Variants in GABRB3 observed in about 807,000 individuals in gnomAD.
GABRB3 encodes gamma-aminobutyric acid receptor subunit beta-3.
Under a neutral mutation model 52.1 loss-of-function variants are expected in GABRB3, and 14 were observed. The ratio of observed to expected loss-of-function variants is 0.27; its 90% CI spans 0.18 to 0.42. The LOEUF is 0.42. Among genes scored for constraint, GABRB3 ranks in the 10% least tolerant of loss-of-function variants. The probability of loss-of-function intolerance (pLI) is 1.00; values close to 1 mark genes in which losing one functional copy is unlikely to be tolerated. For missense variants in GABRB3, 307 were observed against 609.1 expected (o/e 0.50, Z 5.22); for synonymous variants, 260 against 232.3 (o/e 1.12, Z -1.08).
intron 3 of GABRB3, among the ~76,000 whole-genome samples, chr15:26,740,066 T>C (rs1409615072): frequency 6.6e-6 from 1 of 152,170 alleles, no homozygotes; most frequent in Non-Finnish European, 1.5e-5. Flanking sequence ...TCTAAGCCAG[T>C]GTGGGTATCA....
At chr15:26,706,562 G>C (rs1889110997) in intron 3 of GABRB3, among the ~76,000 whole-genome samples, 1 of 151,788 alleles carries the variant, frequency 6.6e-6, no homozygotes, top group Non-Finnish European at 1.5e-5. Context: ...CAGTTAAGGA[G>C]AAAAAAGGTT....
chr15:26,629,081 A>C, intron 3 of GABRB3: 4 of 1,535,924 alleles, frequency 2.6e-6, no homozygotes, highest in Non-Finnish European at 3.5e-6. Context: ...GCTAACCGGA[A>C]GTTGTGACTG....
chr15:26,583,984 G>C (rs1890884128), intron 4 of GABRB3, among the ~76,000 whole-genome samples: 1 of 152,024 alleles, frequency 6.6e-6, no homozygotes. Flanking sequence ...CACCATGTTA[G>C]CCAGGATGGT....
intron 3 of GABRB3, among the ~76,000 whole-genome samples, chr15:26,728,313 A>T (rs865856793): frequency 1.9e-4 from 29 of 152,306 alleles, no homozygotes; most frequent in Admixed American, 7.2e-4. Context: ...CCCTCCATGT[A>T]TTCTGGTTCC....
At chr15:26,548,959 C>G (rs1671711088) in intron 8 of GABRB3, among the ~76,000 whole-genome samples, 1 of 152,116 alleles carries the variant, frequency 6.6e-6, no homozygotes, top group South Asian at 2.1e-4. Flanking sequence ...TGTACCCATC[C>G]CTGCCACAGC....
At chr15:26,763,660 A>C (rs954517887) in intron 3 of GABRB3, among the ~76,000 whole-genome samples, 1 of 149,066 alleles carries the variant, frequency 6.7e-6, no homozygotes, top group African/African-American at 2.5e-5. Context: ...TGGATGACCC[A>C]GAAAACTTGT....
At chr15:26,725,074 CT>C (rs1889735698) in intron 3 of GABRB3, among the ~76,000 whole-genome samples, 1 of 152,180 alleles carries the variant, frequency 6.6e-6, no homozygotes, top group African/African-American at 2.4e-5. Flanking sequence ...AATGCCATTT[CT>C]AATTAACTGC....
At chr15:26,714,877 ATCTGTAG>A (rs1889417619) in intron 3 of GABRB3, among the ~76,000 whole-genome samples, 1 of 152,202 alleles carries the variant, frequency 6.6e-6, no homozygotes, top group Non-Finnish European at 1.5e-5. Context: ...TGAAAGACAA[ATCTGTAG>A]TCTGTGGAGA....
At chr15:26,772,645 C>G (rs748265882) in intron 2 of GABRB3, 36 bp downstream of exon 2, 2 of 1,516,584 alleles carry the variant, frequency 1.3e-6, no homozygotes, top group Non-Finnish European at 1.8e-6. Flanking sequence ...CGCCGTGGGT[C>G]GCGCTTCCCG....
chr15:26,641,086 T>C (rs923879249), intron 3 of GABRB3, among the ~76,000 whole-genome samples: 1 of 152,188 alleles, frequency 6.6e-6, no homozygotes, highest in Non-Finnish European at 1.5e-5. Context: ...CACCCTCTTC[T>C]AACCTTGTCC....
intron 3 of GABRB3, among the ~76,000 whole-genome samples, chr15:26,762,667 C>T (rs1645997785): frequency 6.6e-6 from 1 of 152,168 alleles, no homozygotes; most frequent in African/African-American, 2.4e-5. Context: ...CCATAATTTC[C>T]AATATTATTT....
At chr15:26,766,821 T>A (rs1352455576) in intron 3 of GABRB3, among the ~76,000 whole-genome samples, 1 of 152,024 alleles carries the variant, frequency 6.6e-6, no homozygotes, top group Non-Finnish European at 1.5e-5. Flanking sequence ...TACCATAAGA[T>A]CCTAGAGCCC....
intron 3 of GABRB3, among the ~76,000 whole-genome samples, chr15:26,714,668 A>C (rs947681146): frequency 2.0e-5 from 3 of 152,180 alleles, no homozygotes; most frequent in Admixed American, 2.0e-4. Flanking sequence ...GGCGACTTTG[A>C]ATAGAATGGG....
chr15:26,770,300 A>G (rs1398273990), intron 3 of GABRB3, among the ~76,000 whole-genome samples: 1 of 152,236 alleles, frequency 6.6e-6, no homozygotes, highest in Non-Finnish European at 1.5e-5. Flanking sequence ...CAGAGCCAGA[A>G]AAATTACTGT....
intron 3 of GABRB3, among the ~76,000 whole-genome samples, chr15:26,765,680 G>C (rs912064163): frequency 6.6e-6 from 1 of 152,046 alleles, no homozygotes. Context: ...CCTGCCTCAC[G>C]GAGTGTATGC....
Position 26,560,626 on chromosome 15 carries a change from C to T in GABRB3, c.1080+306G>A, listed in dbSNP as rs547053788. Among the ~76,000 whole-genome samples, 227 of 152,230 alleles carry T rather than the reference C, an allele frequency of 1.5e-3. 3 individuals carry two copies. Among genetic ancestry groups the T allele is most frequent in the South Asian group, 1.9e-3 (9 of 4,820 alleles). On this transcript the variant is annotated intron_variant, in intron 8 of 8. Transcript: ENST00000311550. ...GCAACCGGGCCAGGGTCAATGTGCA[C>T]GGAAATGTCAAAAGTCAATTTTGTT...
rs1369230542 is a variant in GABRB3, at chr15:26,580,379, G to A, written c.622C>T (p.Leu208Phe). 2 of 1,614,182 alleles carry A rather than the reference G, an allele frequency of 1.2e-6. No individual in the cohort carries two copies. Among genetic ancestry groups the A allele is most frequent in the Non-Finnish European group, 1.7e-6 (2 of 1,180,034 alleles). The change falls in exon 6 of 9, where the codon CTC becomes TTC. Residue 208 changes from leucine to phenylalanine, a missense_variant. This residue lies in a region of GABRB3 where 23 missense variants were observed against 34.2 expected (regional missense o/e 0.67). Coordinates refer to ENST00000311550, the MANE Select transcript of GABRB3 (RefSeq NM_000814.6). ...KAVTGVERIELPQFSIVEHRL... is the reference protein window; with the variant it reads ...KAVTGVERIEFPQFSIVEHRL... ...TGCTCCACGATGGAGAACTGCGGGA[G>A]CTCAATCCTTTCCACTCCGGTAACA...
chr15:26,737,327 T>C (rs1890091632), intron 3 of GABRB3, among the ~76,000 whole-genome samples: 1 of 152,174 alleles, frequency 6.6e-6, no homozygotes, highest in Non-Finnish European at 1.5e-5. Flanking sequence ...CCAAAGTGAT[T>C]TGAAATCAGG....
At chr15:26,720,092 C>T (rs1378804131) in intron 3 of GABRB3, among the ~76,000 whole-genome samples, 5 of 152,150 alleles carry the variant, frequency 3.3e-5, no homozygotes, top group African/African-American at 1.2e-4. Flanking sequence ...ATTCTTTCTC[C>T]TGGCTCAACC....
Sources: allele counts gnomAD v4.1 joint callset (sites outside exome capture counted in the v4.1 genomes callset), GRCh38; gene constraint gnomAD v4.1.1; regional missense constraint gnomAD v4.1.1; transcripts MANE v1.5; gene names NCBI Gene and HGNC (gene_info 2026-07-23, HGNC 2026-07-21).